The following DPYD variants were observed in gnomAD, a reference collection of about 807,000 sequenced individuals.
The protein encoded by DPYD is dihydropyrimidine dehydrogenase.
In DPYD, 109 loss-of-function variants were observed where a neutral mutation model predicts 116.2. The observed-to-expected ratio is 0.94, with a 90% CI of 0.80 to 1.10. DPYD has a LOEUF of 1.10. Among genes scored for constraint, DPYD ranks in the 50% least tolerant of loss-of-function variants. The pLI is 0.00. For synonymous variants in DPYD, 440 were observed against 432.0 expected, an observed-to-expected ratio of 1.02 and a Z score of -0.23; for missense variants, 1,302 against 1,254.5, an observed-to-expected ratio of 1.04 and a Z score of -0.57.
In DPYD at chr1:97,737,100, G is replaced by A. The variant is rs79562233; in HGVS notation, c.321+3292C>T. On this transcript the variant is annotated intron_variant, in intron 4 of 22. Transcript: ENST00000370192. ...CGTTTCTATATAGTTGTCTATTACGGACATTTTCTAAAATATTCCTCCTAA... is the reference window on the plus strand; with the variant it reads ...CGTTTCTATATAGTTGTCTATTACGAACATTTTCTAAAATATTCCTCCTAA... Among the ~76,000 whole-genome samples, 893 of 152,074 alleles carry A rather than the reference G, an allele frequency of 5.9e-3. 12 individuals carry two copies. The highest frequency in any genetic ancestry group is 0.02 in the African/African-American group (848 of 41,464).
intron 8 of DPYD, among the ~76,000 whole-genome samples, chr1:97,615,849 A>T (rs993963575): frequency 9.9e-5 from 15 of 152,068 alleles, no homozygotes; most frequent in Non-Finnish European, 8.8e-5. Flanking sequence ...TGATAAACCA[A>T]TTTGAATTCT....
intron 20 of DPYD, among the ~76,000 whole-genome samples, chr1:97,116,994 CAAAA>C (rs397784957): frequency 6.4e-4 from 69 of 107,142 alleles, no homozygotes; most frequent in African/African-American, 2.2e-3. Context: ...ACTAAAAATA[CAAAA>C]AAAAAAAAAA....
chr1:97,237,850 A>T (rs1662059387), intron 18 of DPYD, among the ~76,000 whole-genome samples: 1 of 152,124 alleles, frequency 6.6e-6, no homozygotes, highest in African/African-American at 2.4e-5. Flanking sequence ...TTCCTCCCTT[A>T]TTTAGTTGAC....
At chr1:97,307,784 G>A (rs1268159461) in intron 16 of DPYD, among the ~76,000 whole-genome samples, 3 of 151,898 alleles carry the variant, frequency 2.0e-5, no homozygotes, top group African/African-American at 7.2e-5. Flanking sequence ...CCCATGCAAT[G>A]CTCATGAAAT....
At chr1:97,557,838 G>A (rs1651858795) in intron 11 of DPYD, among the ~76,000 whole-genome samples, 1 of 152,144 alleles carries the variant, frequency 6.6e-6, no homozygotes, top group Non-Finnish European at 1.5e-5. Flanking sequence ...CTAGTACATG[G>A]CAGGCATACT....
intron 2 of DPYD, among the ~76,000 whole-genome samples, chr1:97,876,481 T>A (rs1671926833): frequency 6.6e-6 from 1 of 151,980 alleles, no homozygotes; most frequent in South Asian, 2.1e-4. Flanking sequence ...TTGCCTGCCC[T>A]CGCCTACCTT....
At chr1:97,526,875 T>C (rs560183578) in intron 12 of DPYD, among the ~76,000 whole-genome samples, 76 of 152,168 alleles carry the variant, frequency 5.0e-4, no homozygotes, top group Non-Finnish European at 1.0e-3. Context: ...CAGTTGTCCA[T>C]TTGCAAGTAA....
At chr1:97,807,866 G>C (rs1210500466) in intron 3 of DPYD, among the ~76,000 whole-genome samples, 2 of 151,904 alleles carry the variant, frequency 1.3e-5, no homozygotes, top group African/African-American at 4.8e-5. Flanking sequence ...GCATGTGTAT[G>C]TCCAGTGGTT....
chr1:97,549,860 C>A (rs370202822), intron 11 of DPYD, 116 bp from the exon 12 acceptor site: 2 of 937,050 alleles, frequency 2.1e-6, no homozygotes, highest in Non-Finnish European at 1.6e-6. Flanking sequence ...ATTCAAACAA[C>A]TGTTTTTAGT....
chr1:97,227,331 CAAAAAAAAAA>C (rs60992225), intron 19 of DPYD, among the ~76,000 whole-genome samples: 2 of 26,378 alleles, frequency 7.6e-5, no homozygotes, highest in Non-Finnish European at 1.6e-4. Flanking sequence ...GACTCTATCT[CAAAAAAAAAA>C]AAAAAAAAAA....
chr1:97,283,419 C>T (rs1235847231), intron 18 of DPYD, among the ~76,000 whole-genome samples: 1 of 151,972 alleles, frequency 6.6e-6, no homozygotes, highest in Non-Finnish European at 1.5e-5. Flanking sequence ...TGTCCTTTTT[C>T]ACCTTTCATC....
intron 13 of DPYD, among the ~76,000 whole-genome samples, chr1:97,470,150 T>G (rs950274713): frequency 2.6e-5 from 4 of 152,180 alleles, no homozygotes; most frequent in African/African-American, 4.8e-5. Flanking sequence ...ATTTTTCGAA[T>G]CATTTTTTTG....
intron 15 of DPYD, among the ~76,000 whole-genome samples, chr1:97,381,677 T>C (rs1671977018): frequency 2.0e-5 from 3 of 152,240 alleles, no homozygotes; most frequent in Admixed American, 2.0e-4. Flanking sequence ...AGTTCATTGG[T>C]ATAGTTAGAT....
chr1:97,331,275 G>A (rs934866101), intron 16 of DPYD, among the ~76,000 whole-genome samples: 1 of 152,032 alleles, frequency 6.6e-6, no homozygotes, highest in Admixed American at 6.6e-5. Context: ...GGAGTTCAGA[G>A]CCAGCCTACG....
intron 21 of DPYD, among the ~76,000 whole-genome samples, chr1:97,092,626 C>T (rs1172106702): frequency 1.3e-5 from 2 of 152,080 alleles, no homozygotes; most frequent in Admixed American, 6.6e-5. Context: ...GTCTGGAACA[C>T]AGTGGGCGTT....
At chr1:97,616,329 C>A (rs1190480606) in intron 8 of DPYD, among the ~76,000 whole-genome samples, 1 of 152,138 alleles carries the variant, frequency 6.6e-6, no homozygotes, top group Non-Finnish European at 1.5e-5. Context: ...AAAGGTTCCA[C>A]ACATAAGTGA....
At chr1:97,338,078 T>C (rs1390136343) in intron 16 of DPYD, among the ~76,000 whole-genome samples, 1 of 152,202 alleles carries the variant, frequency 6.6e-6, no homozygotes, top group African/African-American at 2.4e-5. Context: ...AGTCTATTTG[T>C]TACAGAGTTT....
At chr1:97,186,491 AACTTCC>A (rs1473543336) in intron 20 of DPYD, among the ~76,000 whole-genome samples, 1 of 152,168 alleles carries the variant, frequency 6.6e-6, no homozygotes, top group Non-Finnish European at 1.5e-5. Context: ...CACATTAATT[AACTTCC>A]ACTCACAAGT....
chr1:97,316,839 C>G (rs572523946), intron 16 of DPYD, among the ~76,000 whole-genome samples: 2 of 151,984 alleles, frequency 1.3e-5, no homozygotes, highest in South Asian at 4.2e-4. Flanking sequence ...CATGACTTGT[C>G]TGTCACTTAG....
Sources: allele counts gnomAD v4.1 joint callset (sites outside exome capture counted in the v4.1 genomes callset), GRCh38; gene constraint gnomAD v4.1.1; transcripts MANE v1.5; gene names NCBI Gene and HGNC (gene_info 2026-07-23, HGNC 2026-07-21).